HIVEP3: variants seen among roughly 807,000 people sequenced by gnomAD.
HIVEP3 encodes HIVEP zinc finger 3.
In HIVEP3, 49 loss-of-function variants were observed where a neutral mutation model predicts 152.8. The observed-to-expected ratio is 0.32, with a 90% CI of 0.26 to 0.41. HIVEP3 has a LOEUF of 0.41. Among genes scored for constraint, HIVEP3 ranks in the 10% least tolerant of loss-of-function variants. HIVEP3 has a pLI of 1.00. For synonymous variants in HIVEP3, 1,269 were observed against 1,289.0 expected (o/e 0.98, Z 0.33); for missense variants, 2,790 against 3,103.3 (o/e 0.90, Z 2.40).
At chr1:41,704,707 C>G (rs1271790975) in intron 1 of HIVEP3, among the ~76,000 whole-genome samples, 55 of 152,232 alleles carry the variant, frequency 3.6e-4, no homozygotes, top group Admixed American at 3.6e-3. Flanking sequence ...CTGGGCAAAC[C>G]ATTCAGCTGC....
At chr1:41,770,044 C>T (rs1648249460) in intron 1 of HIVEP3, among the ~76,000 whole-genome samples, 1 of 152,216 alleles carries the variant, frequency 6.6e-6, no homozygotes. Context: ...TCTTGGCTCA[C>T]TGCAAGCTCT....
intron 3 of HIVEP3, among the ~76,000 whole-genome samples, chr1:41,589,529 G>A (rs887716619): frequency 2.6e-5 from 4 of 152,332 alleles, no homozygotes; most frequent in East Asian, 1.9e-4. Context: ...CTTCTGTATC[G>A]AAGGCGTCAG....
chr1:41,798,574 CA>C (rs1017966622), intron 1 of HIVEP3, among the ~76,000 whole-genome samples: 6 of 152,176 alleles, frequency 3.9e-5, no homozygotes, highest in African/African-American at 1.2e-4. Context: ...GTCTTTTCTC[CA>C]AAAATAATTT....
intron 3 of HIVEP3, among the ~76,000 whole-genome samples, chr1:41,616,972 G>A (rs1330604764): frequency 6.6e-6 from 1 of 152,152 alleles, no homozygotes; most frequent in East Asian, 1.9e-4. Flanking sequence ...AGAGGAGTGT[G>A]AATGGCCAGA....
At chr1:41,840,099 G>A (rs964298632) in intron 1 of HIVEP3, among the ~76,000 whole-genome samples, 5 of 152,062 alleles carry the variant, frequency 3.3e-5, no homozygotes, top group African/African-American at 9.7e-5. Context: ...CTCTCGTCGC[G>A]CCTCCTTTTA....
intron 5 of HIVEP3, among the ~76,000 whole-genome samples, chr1:41,553,176 T>G (rs938626379): frequency 6.6e-6 from 1 of 152,192 alleles, no homozygotes; most frequent in Non-Finnish European, 1.5e-5. Context: ...ATGAATCTGG[T>G]TGCTCCTGTA....
At chr1:41,774,232 G>A (rs1648550140) in intron 1 of HIVEP3, among the ~76,000 whole-genome samples, 1 of 152,214 alleles carries the variant, frequency 6.6e-6, no homozygotes, top group South Asian at 2.1e-4. Flanking sequence ...TGAATAGGAA[G>A]GCATACGGGG....
chr1:41,794,241 T>C (rs937707629), intron 1 of HIVEP3, among the ~76,000 whole-genome samples: 14 of 152,144 alleles, frequency 9.2e-5, no homozygotes, highest in Non-Finnish European at 1.5e-4. Flanking sequence ...GGAACTCCCA[T>C]CTATAAAACC....
chr1:41,727,735 C>T (rs1410423264), intron 1 of HIVEP3, among the ~76,000 whole-genome samples: 2 of 152,218 alleles, frequency 1.3e-5, no homozygotes, highest in African/African-American at 4.8e-5. Flanking sequence ...TGGCCTCATC[C>T]CGCCAGCCTA....
intron 2 of HIVEP3, among the ~76,000 whole-genome samples, chr1:41,678,282 A>G (rs1645986940): frequency 6.6e-6 from 1 of 152,104 alleles, no homozygotes; most frequent in South Asian, 2.1e-4. Flanking sequence ...CGGCCCCTCC[A>G]TTGGGAGCCT....
intron 1 of HIVEP3, among the ~76,000 whole-genome samples, chr1:41,730,124 CAGGGGCCCTCA>C (rs1646815962): frequency 6.6e-6 from 1 of 152,226 alleles, no homozygotes; most frequent in African/African-American, 2.4e-5. Flanking sequence ...CCCTTTCTCA[CAGGGGCCCTCA>C]AGAGACTAGG....
chr1:41,703,414 C>T (rs974029365), intron 1 of HIVEP3, among the ~76,000 whole-genome samples: 4 of 152,226 alleles, frequency 2.6e-5, no homozygotes, highest in African/African-American at 9.7e-5. Context: ...TGTATGAACT[C>T]TGATCCCAGA....
intron 1 of HIVEP3, among the ~76,000 whole-genome samples, chr1:41,816,711 TAGCATCTATTCTTAC>T (rs1245259508): frequency 6.6e-6 from 1 of 152,038 alleles, no homozygotes; most frequent in Non-Finnish European, 1.5e-5. Flanking sequence ...AACAAAAACA[TAGCATCTATTCTTAC>T]AGCATTTGTT....
intron 2 of HIVEP3, among the ~76,000 whole-genome samples, chr1:41,672,501 G>A (rs114045451): frequency 2.1e-4 from 32 of 152,290 alleles, no homozygotes; most frequent in African/African-American, 4.3e-4. Flanking sequence ...GTTTGTGGGC[G>A]GCAAGCCCTG....
intron 1 of HIVEP3, among the ~76,000 whole-genome samples, chr1:41,943,019 C>A (rs1487252909): frequency 1.3e-5 from 2 of 152,126 alleles, no homozygotes; most frequent in Admixed American, 1.3e-4. Flanking sequence ...CCTGCCTCAG[C>A]CTCCCAAGTA....
chr1:41,547,398 G>A (rs1014174966), intron 5 of HIVEP3, among the ~76,000 whole-genome samples: 3 of 152,306 alleles, frequency 2.0e-5, no homozygotes, highest in African/African-American at 4.8e-5. Flanking sequence ...GGGTTGGGGA[G>A]GGCCAGGGAG....
chr1:41,671,191 T>A (rs1176808660), intron 2 of HIVEP3, among the ~76,000 whole-genome samples: 1 of 152,216 alleles, frequency 6.6e-6, no homozygotes, highest in African/African-American at 2.4e-5. Flanking sequence ...ACAGGTAGAC[T>A]GTAGAACGCT....
At position 41,583,122 on chromosome 1, in the gene HIVEP3, C is replaced by T; in HGVS notation, c.1676G>A (p.Gly559Asp). ...GATATGGTCATCGAAGGAGTAGCTA[C>T]CTCGGAAGGGGTGGTGGGGGGTGCT... The part of the protein sequence containing the change: ...TISTPHHPFR[G>D]SYSFDDHITD... The change falls in exon 4 of 9, where the codon GGT becomes GAT. Residue 559 changes from glycine to aspartate, a missense_variant. Transcript: ENST00000372583. The surrounding 1 kb of genome is among the most constrained non-coding windows in gnomAD (Gnocchi z 6.9). 1 of 1,613,480 alleles carries T rather than the reference C, an allele frequency of 6.2e-7. No individual in the cohort carries two copies. Among genetic ancestry groups the T allele is most frequent in the Non-Finnish European group, 8.5e-7 (1 of 1,179,950 alleles).
At chr1:41,809,411 G>A (rs1570584255) in intron 1 of HIVEP3, among the ~76,000 whole-genome samples, 1 of 152,182 alleles carries the variant, frequency 6.6e-6, no homozygotes, top group African/African-American at 2.4e-5. Context: ...CCCATGGCAG[G>A]TGCCACTAAT....
Sources: gnomAD v4.1 joint callset for allele counts (sites outside exome capture counted in the v4.1 genomes callset) on GRCh38, gnomAD v4.1.1 for gene constraint, Gnocchi (gnomAD v3.1) non-coding constraint, MANE v1.5 for transcripts, NCBI Gene and HGNC (gene_info 2026-07-23, HGNC 2026-07-21) for gene names.